Variants in RPS6KA1 observed in about 807,000 individuals in gnomAD.
The protein encoded by RPS6KA1 is ribosomal protein S6 kinase A1.
In RPS6KA1, 48 loss-of-function variants were observed where a neutral mutation model predicts 91.3. That is an observed-to-expected ratio of 0.53 (90% CI 0.42 to 0.67). The LOEUF (loss-of-function observed/expected upper bound fraction) is 0.67. Among genes scored for constraint, RPS6KA1 ranks in the 30% least tolerant of loss-of-function variants. The pLI is 0.00. For missense variants in RPS6KA1, 719 were observed against 960.5 expected, an observed-to-expected ratio of 0.75 and a Z score of 3.32; for synonymous variants, 359 against 384.7, an observed-to-expected ratio of 0.93 and a Z score of 0.78.
chr1:26,540,663 C>T lies in RPS6KA1; in HGVS notation c.108+3694C>T, dbSNP rs1476292028. Reference sequence around the variant, plus strand: ...CAACCACAGCTCACTGTAGCCTTGACCTCCTAGGCTCAAGTGATCCTCCTA... The same window carrying T: ...CAACCACAGCTCACTGTAGCCTTGATCTCCTAGGCTCAAGTGATCCTCCTA... On this transcript the variant is annotated intron_variant, in intron 2 of 21. Coordinates refer to ENST00000374168, the MANE Select transcript of RPS6KA1 (RefSeq NM_002953.4). The surrounding 1 kb of genome is among the most constrained non-coding windows in gnomAD (Gnocchi z 4.2). Among the ~76,000 whole-genome samples the T allele has an allele frequency of 1.3e-5, 2 of 152,220 alleles. No individual in the cohort carries two copies. The highest frequency in any genetic ancestry group is 2.9e-5 in the Non-Finnish European group (2 of 68,030).
chr1:26,534,215 A>T (rs1487176526), intron 1 of RPS6KA1, among the ~76,000 whole-genome samples: 1 of 152,114 alleles, frequency 6.6e-6, no homozygotes, highest in African/African-American at 2.4e-5. Context: ...CCTGAGCCTC[A>T]TCTGAAAAAT....
In RPS6KA1 at chr1:26,555,710, C is replaced by A; in HGVS notation, c.916+85C>A. 7.7e-7 allele frequency: 1 copy of A among 1,295,754 alleles called. No homozygotes were observed. The highest frequency in any genetic ancestry group is 1.1e-6 in the Non-Finnish European group (1 of 915,718). The allele number at this position is 1,295,754 out of a possible 1,614,324, so 80.3% of individuals were successfully genotyped here. On this transcript the variant is annotated intron_variant, in intron 11 of 21. Transcript: ENST00000374168. This position sits in a 1 kb window ranked among gnomAD's most constrained non-coding sequence, Gnocchi z 4.3. Reference sequence around the variant, plus strand: ...CCTAGGCCACAGGGCCACATCTGGGCTGAAAGGGGCCGTTGTCCTTTGTGT... The same window carrying A: ...CCTAGGCCACAGGGCCACATCTGGGATGAAAGGGGCCGTTGTCCTTTGTGT...
At chr1:26,550,868 A>G (rs1008685460) in intron 4 of RPS6KA1, among the ~76,000 whole-genome samples, 1 of 152,208 alleles carries the variant, frequency 6.6e-6, no homozygotes, top group Admixed American at 6.5e-5. Flanking sequence ...TATTTAAAAA[A>G]ATAAATAAAT....
At chr1:26,546,735 C>A in intron 2 of RPS6KA1, 132 bp from the exon 3 acceptor site, 2 of 658,598 alleles carry the variant, frequency 3.0e-6, no homozygotes, top group South Asian at 3.5e-5. Flanking sequence ...TGGAGGCTAG[C>A]CCTTCAGGGA....
intron 1 of RPS6KA1, among the ~76,000 whole-genome samples, chr1:26,530,191 C>T (rs985760343): frequency 5.9e-5 from 9 of 152,210 alleles, no homozygotes; most frequent in Non-Finnish European, 1.0e-4. Context: ...GACTACCTCC[C>T]CGCCATAGCC....
chr1:26,561,143 G>T lies in RPS6KA1; in HGVS notation c.1431+9G>T. 1 of 1,611,326 alleles carries T rather than the reference G, an allele frequency of 6.2e-7. No homozygotes were observed. Among genetic ancestry groups the T allele is most frequent in the Non-Finnish European group, 8.5e-7 (1 of 1,177,578 alleles). On this transcript the variant is annotated intron_variant, in intron 16 of 21. Transcript: ENST00000374168. This position sits in a 1 kb window ranked among gnomAD's most constrained non-coding sequence, Gnocchi z 5.7. ...TCATCACTCTGAAAGATGTGAGTGG[G>T]GGTCCTTAAGACTGGGGTGGGGACC...
Position 26,571,736 on chromosome 1 carries a change from A to G in RPS6KA1, c.1753-113A>G. On this transcript the variant is annotated intron_variant, in intron 18 of 21. Transcript: ENST00000374168. This position sits in a 1 kb window ranked among gnomAD's most constrained non-coding sequence, Gnocchi z 5.1. The stretch of plus-strand genomic sequence containing the variant: ...ACCTTGGCCCAGCTGGCAAGGGAAG[A>G]TCTAGCCTGTGCCTGGGACCCTTGT... 4.0e-6 allele frequency: 6 copies of G among 1,483,156 alleles called. No individual in the cohort carries two copies. The allele number at this position is 1,483,156 out of a possible 1,614,324, so 91.9% of individuals were successfully genotyped here. A position where few individuals can be genotyped will look rare whatever the true frequency, so the allele number is the denominator to read the frequency against.
chr1:26,545,860 T>C (rs2075989901), intron 2 of RPS6KA1: 1 of 1,536,150 alleles, frequency 6.5e-7, no homozygotes, highest in Non-Finnish European at 8.8e-7. Flanking sequence ...AGCCCCGGAC[T>C]CTGCCTGCTC....
At chr1:26,573,982 T>G in intron 21 of RPS6KA1, 97 bp from the exon 22 acceptor site, 1 of 1,398,602 alleles carries the variant, frequency 7.2e-7, no homozygotes, top group Non-Finnish European at 9.7e-7. Context: ...AAGTGGGCTG[T>G]GGAACACTGA....
chr1:26,571,788 A>G lies in RPS6KA1; in HGVS notation c.1753-61A>G, dbSNP rs1212963410. 2 of 1,546,336 alleles carry G rather than the reference A, an allele frequency of 1.3e-6. No homozygotes were observed. Among genetic ancestry groups the G allele is most frequent in the East Asian group, 2.3e-5 (1 of 43,026 alleles). On this transcript the variant is annotated intron_variant, in intron 18 of 21. Coordinates refer to ENST00000374168, the MANE Select transcript of RPS6KA1 (RefSeq NM_002953.4). The surrounding 1 kb of genome is among the most constrained non-coding windows in gnomAD (Gnocchi z 5.1). ...CTGCCCTTGAGGGGAGTAGCAGGAAACATCTGTGGCGACTTTCTACTGCCC... is the reference window on the plus strand; with the variant it reads ...CTGCCCTTGAGGGGAGTAGCAGGAAGCATCTGTGGCGACTTTCTACTGCCC...
rs1358234617 is a variant in RPS6KA1, at chr1:26,529,774, C to G, written c.-147C>G. On this transcript the variant is annotated 5_prime_UTR_variant, in exon 1 of 22. Transcript: ENST00000374168. The surrounding 1 kb of genome is among the most constrained non-coding windows in gnomAD (Gnocchi z 4.2). ...ACGGAGGGAGCCGAAGTGCTAGTGC[C>G]GCGGCGGCGGCGGCGGACGGCCCAG... 1 of 405,668 alleles carries G rather than the reference C, an allele frequency of 2.5e-6. No homozygotes were observed. 25.1% of individuals were successfully genotyped at this position (405,668 alleles called of 1,614,324 possible).
In RPS6KA1 at chr1:26,547,125, T is replaced by C. The variant is rs376113297; in HGVS notation, c.226-64T>C. ...AGGTCAGCTTGGGGCTCAGAGAAGA[T>C]AGAGGTCAGCCTGGACTCAGACCTC... is the stretch of plus-strand genomic sequence containing the variant. On this transcript the variant is annotated intron_variant, in intron 3 of 21. Transcript: ENST00000374168. The surrounding 1 kb of genome is among the most constrained non-coding windows in gnomAD (Gnocchi z 4.1). 2.5e-6 allele frequency: 4 copies of C among 1,570,478 alleles called. No homozygotes were observed. The highest frequency in any genetic ancestry group is 2.7e-5 in the African/African-American group (2 of 74,032).
intron 2 of RPS6KA1, among the ~76,000 whole-genome samples, chr1:26,543,778 C>G (rs1051597028): frequency 6.6e-6 from 1 of 152,184 alleles, no homozygotes; most frequent in African/African-American, 2.4e-5. Context: ...TGGGTCCAAG[C>G]TACCTCTGCC....
chr1:26,561,122 C>A lies in RPS6KA1; in HGVS notation c.1419C>A (p.Ile473=). The change falls in exon 16 of 22, where the codon ATC becomes ATA. Residue 473 remains isoleucine, a synonymous_variant. Transcript: ENST00000374168. This position sits in a 1 kb window ranked among gnomAD's most constrained non-coding sequence, Gnocchi z 5.7. ...LLRYGQHPNI[I]TLKDVYDDGK... ...GGTATGGCCAGCACCCCAACATCATCACTCTGAAAGATGTGAGTGGGGGTC... is the reference window on the plus strand; with the variant it reads ...GGTATGGCCAGCACCCCAACATCATAACTCTGAAAGATGTGAGTGGGGGTC... 6.2e-7 allele frequency: 1 copy of A among 1,613,456 alleles called. No individual in the cohort carries two copies. The highest frequency in any genetic ancestry group is 8.5e-7 in the Non-Finnish European group (1 of 1,179,434).
At chr1:26,537,079 G>C in intron 2 of RPS6KA1, 110 bp downstream of exon 2, 2 of 1,140,252 alleles carry the variant, frequency 1.8e-6, no homozygotes, top group Non-Finnish European at 2.6e-6. Context: ...CAACTCAGCC[G>C]TCCTTCTCAG....
At chr1:26,534,819 C>G (rs1193154844) in intron 1 of RPS6KA1, among the ~76,000 whole-genome samples, 1 of 152,122 alleles carries the variant, frequency 6.6e-6, no homozygotes, top group African/African-American at 2.4e-5. Context: ...ACCTACATTC[C>G]TAGTTATTGT....
chr1:26,549,637 G>C (rs1295947421), intron 4 of RPS6KA1, among the ~76,000 whole-genome samples: 1 of 149,316 alleles, frequency 6.7e-6, no homozygotes, highest in African/African-American at 2.5e-5. Flanking sequence ...GATAAACTTA[G>C]TTGAAACACA....
chr1:26,549,699 T>TC (rs2076029089), intron 4 of RPS6KA1, among the ~76,000 whole-genome samples: 2 of 148,298 alleles, frequency 1.3e-5, no homozygotes, highest in Non-Finnish European at 3.0e-5. Flanking sequence ...TCTTTTTTTT[T>TC]TTTTTTTTTT....
intron 2 of RPS6KA1, among the ~76,000 whole-genome samples, chr1:26,542,416 G>C (rs1001838919): frequency 1.3e-5 from 2 of 152,248 alleles, no homozygotes; most frequent in African/African-American, 4.8e-5. Flanking sequence ...TCTGCATAGG[G>C]GTTGTCTGCG....
Sources: allele counts gnomAD v4.1 joint callset (sites outside exome capture counted in the v4.1 genomes callset), GRCh38; gene constraint gnomAD v4.1.1; non-coding constraint Gnocchi (gnomAD v3.1); transcripts MANE v1.5; gene names NCBI Gene and HGNC (gene_info 2026-07-23, HGNC 2026-07-21).